Variants in PCLO observed in about 807,000 individuals in gnomAD.
PCLO encodes the protein piccolo presynaptic cytomatrix protein, also known as protein piccolo.
PCLO carries 82 observed loss-of-function variants against 427.5 expected under a neutral mutation model. That is an observed-to-expected ratio of 0.19 (90% CI 0.16 to 0.23). PCLO has a LOEUF of 0.23. PCLO is among the 10% of genes least tolerant of loss of function. PCLO has a pLI of 1.00. For missense variants in PCLO, 6,239 were observed against 6,115.9 expected (o/e 1.02, Z -0.67); for synonymous variants, 2,357 against 2,155.4 (o/e 1.09, Z -2.59).
chr7:82,954,664 C>T lies in PCLO; in HGVS notation c.6289G>A (p.Asp2097Asn). The T allele has an allele frequency of 6.2e-7, 1 of 1,613,908 alleles. No individual in the cohort carries two copies. Among genetic ancestry groups the T allele is most frequent in the Non-Finnish European group, 8.5e-7 (1 of 1,179,856 alleles). Residue 2097 changes from aspartate (D) to asparagine (N), a missense_variant, in exon 5 of 25, where the codon GAC becomes AAC. This residue lies in a region of PCLO where 4,677 missense variants were observed against 4,468.4 expected (regional missense o/e 1.05). Transcript: ENST00000333891. ...IGEDMTESTM[D>N]FDRMPDASLT... ...GAGGCATCTGGCATTCTGTCAAAGT[C>T]CATGGTGGACTCTGTCATATCCTCA...
chr7:82,780,005 A>T (rs1790838980), intron 22 of PCLO, among the ~76,000 whole-genome samples: 1 of 152,170 alleles, frequency 6.6e-6, no homozygotes, highest in Admixed American at 6.5e-5. Context: ...AGTTATCAAC[A>T]GTTGTTCTAC....
At chr7:82,969,823 G>T (rs1380380776) in intron 3 of PCLO, among the ~76,000 whole-genome samples, 1 of 152,090 alleles carries the variant, frequency 6.6e-6, no homozygotes, top group Admixed American at 6.6e-5. Context: ...CGGAGATATT[G>T]TGTTGCAATG....
chr7:83,114,395 T>C (rs1791081013), intron 3 of PCLO, among the ~76,000 whole-genome samples: 1 of 152,086 alleles, frequency 6.6e-6, no homozygotes, highest in Non-Finnish European at 1.5e-5. Flanking sequence ...GTGGGGGTAG[T>C]GAAGAGCATT....
chr7:83,099,837 TCTG>T (rs1290474694), intron 3 of PCLO, among the ~76,000 whole-genome samples: 1 of 117,564 alleles, frequency 8.5e-6, no homozygotes, highest in Non-Finnish European at 1.8e-5. Context: ...CATACTTTCT[TCTG>T]CTGCTGTTGT....
chr7:83,063,607 T>C (rs554973721), intron 3 of PCLO, among the ~76,000 whole-genome samples: 20 of 152,244 alleles, frequency 1.3e-4, no homozygotes, highest in Middle Eastern at 3.4e-3. Flanking sequence ...TAAACTATGA[T>C]GTTTAGCAGT....
At position 82,934,480 on chromosome 7, in the gene PCLO, TA is replaced by T. The variant is rs1188199058; in HGVS notation, c.11112+14995del. ...TAAGTGGTAATATATATCTTTAGTC[TA>T]ACGATGTTTATTTTAACTTATCTTA... is the stretch of plus-strand genomic sequence containing the variant. On this transcript the variant is annotated intron_variant, in intron 6 of 24. Transcript: ENST00000333891. 2.6e-5 allele frequency among the ~76,000 whole-genome samples: 4 copies of T among 152,004 alleles called. No homozygotes were observed. The East Asian group carries it at 7.7e-4, about 29-fold the overall frequency.
chr7:82,925,372 C>A (rs1203819827), intron 6 of PCLO, among the ~76,000 whole-genome samples: 1 of 152,002 alleles, frequency 6.6e-6, no homozygotes, highest in Non-Finnish European at 1.5e-5. Context: ...AGCTGTAAGG[C>A]AGGCATAAGG....
At chr7:82,790,310 T>C (rs4732485) in intron 22 of PCLO, among the ~76,000 whole-genome samples, 10,979 of 152,192 alleles carry the variant, frequency 0.072, 560 homozygotes, top group East Asian at 0.15. Context: ...AGATATTTCA[T>C]AATTTATCTG....
At chr7:82,870,143 A>G (rs987809006) in intron 10 of PCLO, among the ~76,000 whole-genome samples, 24 of 152,106 alleles carry the variant, frequency 1.6e-4, no homozygotes, top group Admixed American at 2.6e-4. Flanking sequence ...AGCAATCTTA[A>G]GTGAAAAGAA....
intron 3 of PCLO, among the ~76,000 whole-genome samples, chr7:83,050,227 A>AAAAAAAAAAAAAAAAAAAAAAAC (rs71074611): frequency 2.3e-5 from 2 of 85,620 alleles, no homozygotes; most frequent in Admixed American, 1.2e-4. Flanking sequence ...AAAAAAAAAA[A>AAAAAAAAAAAAAAAAAAAAAAAC]AAAAAAAAAA....
intron 22 of PCLO, among the ~76,000 whole-genome samples, chr7:82,798,661 A>G (rs1221569038): frequency 6.6e-6 from 1 of 152,144 alleles, no homozygotes; most frequent in African/African-American, 2.4e-5. Context: ...AAAGTCTAAT[A>G]TTATTGCAGT....
intron 3 of PCLO, among the ~76,000 whole-genome samples, chr7:83,127,275 TG>T (rs1262057771): frequency 2.6e-5 from 4 of 152,042 alleles, no homozygotes; most frequent in Non-Finnish European, 5.9e-5. Flanking sequence ...AAAAAATCAA[TG>T]AAAATATGTG....
rs71096608 is a variant in PCLO, at chr7:82,944,137, TAAAAAAAAAAA to T, written c.11112+5328_11112+5338del. Among the ~76,000 whole-genome samples the T allele has an allele frequency of 8.8e-4, 30 of 33,918 alleles. No homozygotes were observed. The East Asian group carries it at 0.01, about 12-fold the overall frequency. 22.3% of individuals were successfully genotyped at this position (33,918 alleles called of 152,430 possible). The stretch of plus-strand genomic sequence containing the variant: ...GCCTGGGCAACGGAACAAGAATCCA[TAAAAAAAAAAA>T]AAAAAAAAAAAAAAAAGTAACATTG... On this transcript the variant is annotated intron_variant, in intron 6 of 24. Transcript: ENST00000333891.
At chr7:82,821,986 A>C in intron 20 of PCLO, 2 of 986,182 alleles carry the variant, frequency 2.0e-6, no homozygotes, top group Non-Finnish European at 2.4e-6. Flanking sequence ...TTTTCCTCCA[A>C]GGTTCTAGAA....
intron 3 of PCLO, among the ~76,000 whole-genome samples, chr7:83,020,228 A>T (rs2116051943): frequency 6.6e-6 from 1 of 152,242 alleles, no homozygotes; most frequent in African/African-American, 2.4e-5. Context: ...AGTGTAGGAA[A>T]CAAAAACTAG....
chr7:82,912,655 A>G (rs866022466), intron 7 of PCLO, among the ~76,000 whole-genome samples: 1 of 151,990 alleles, frequency 6.6e-6, no homozygotes, highest in Non-Finnish European at 1.5e-5. Flanking sequence ...ATGGTATCTC[A>G]TCCTCTATTT....
At position 83,024,251 on chromosome 7, in the gene PCLO, C is replaced by T. The variant is rs188545546; in HGVS notation, c.3301-57764G>A. Among the ~76,000 whole-genome samples, 1,003 of 152,266 alleles carry T rather than the reference C, an allele frequency of 6.6e-3. 12 individuals carry two copies. The highest frequency in any genetic ancestry group is 0.023 in the African/African-American group (950 of 41,574). ...GGGCTCAAGTCAGTGGGTGCGCGCA[C>T]CATGCGCGAGCCGAAGCAGGGTGAG... On this transcript the variant is annotated intron_variant, in intron 3 of 24. Transcript: ENST00000333891.
intron 3 of PCLO, among the ~76,000 whole-genome samples, chr7:83,062,019 C>T (rs1348464903): frequency 6.6e-6 from 1 of 152,112 alleles, no homozygotes; most frequent in Non-Finnish European, 1.5e-5. Context: ...ATGTATATGA[C>T]ATTGGGGACT....
At position 83,154,885 on chromosome 7, in the gene PCLO, T is replaced by C. The variant is rs1279746652; in HGVS notation, c.1756A>G (p.Lys586Glu). 5.6e-6 allele frequency: 9 copies of C among 1,614,040 alleles called. No homozygotes were observed. Among genetic ancestry groups the C allele is most frequent in the Non-Finnish European group, 7.6e-6 (9 of 1,179,898 alleles). ...GTATTGCAAAGAGGACAGATGGTTT[T>C]AGGGAGGCCTTGTGAAGGAGGCTGT... The part of the protein sequence containing the change: ...AKQPPSQGLP[K>E]TICPLCNTTE... Residue 586 changes from lysine to glutamate, a missense_variant, in exon 2 of 25, where the codon AAA becomes GAA. By Grantham distance (56) the Lys-to-Glu change is moderately conservative. Transcript: ENST00000333891.
Sources: gnomAD v4.1 joint callset for allele counts (sites outside exome capture counted in the v4.1 genomes callset) on GRCh38, gnomAD v4.1.1 for gene constraint, gnomAD v4.1.1 regional missense constraint, MANE v1.5 for transcripts, NCBI Gene and HGNC (gene_info 2026-07-23, HGNC 2026-07-21) for gene names.